Variants in MEF2C observed in about 807,000 individuals in gnomAD.
MEF2C encodes myocyte enhancer factor 2C.
MEF2C carries 6 observed loss-of-function variants against 50.5 expected under a neutral mutation model. The ratio of observed to expected loss-of-function variants is 0.12; its 90% confidence interval spans 0.07 to 0.23. MEF2C has a LOEUF of 0.23. Ranked by LOEUF, MEF2C falls within the 10% of genes least tolerant of loss-of-function variation. The pLI is 1.00. For missense variants in MEF2C, 276 were observed against 605.0 expected, an observed-to-expected ratio of 0.46 and a Z score of 5.70; for synonymous variants, 183 against 228.0, an observed-to-expected ratio of 0.80 and a Z score of 1.78.
chr5:88,799,026 G>C (rs190558547), intron 3 of MEF2C, among the ~76,000 whole-genome samples: 1 of 152,308 alleles, frequency 6.6e-6, no homozygotes, highest in Admixed American at 6.5e-5. Context: ...CTTCGTCCCA[G>C]AGTGGCACCC....
chr5:88,881,462 T>C (rs1274764736), intron 1 of MEF2C, among the ~76,000 whole-genome samples: 3 of 152,196 alleles, frequency 2.0e-5, no homozygotes, highest in South Asian at 2.1e-4. Context: ...TTATACCATA[T>C]TGGTACATGC....
intron 5 of MEF2C, 156 bp from the exon 6 acceptor site, chr5:88,749,273 C>A: frequency 8.2e-7 from 1 of 1,226,364 alleles, no homozygotes. Context: ...TTTTATTGTG[C>A]CATGCTGTGC....
chr5:88,741,107 C>A, intron 6 of MEF2C: 1 of 985,384 alleles, frequency 1.0e-6, no homozygotes, highest in African/African-American at 1.7e-5. Context: ...TTAATACATC[C>A]GCTTTACTTC....
intron 1 of MEF2C, chr5:88,827,313 T>C (rs1241312178): frequency 6.6e-6 from 1 of 152,076 alleles, no homozygotes; most frequent in Non-Finnish European, 1.5e-5. Context: ...CAGAAGAATT[T>C]TGACAGAATG....
chr5:88,835,194 T>C (rs1232331910), intron 1 of MEF2C, among the ~76,000 whole-genome samples: 1 of 152,118 alleles, frequency 6.6e-6, no homozygotes, highest in East Asian at 1.9e-4. Flanking sequence ...AAGTGTAAAA[T>C]ATAGAATTAT....
chr5:88,881,653 T>C (rs1443590038), intron 1 of MEF2C, among the ~76,000 whole-genome samples: 3 of 151,928 alleles, frequency 2.0e-5, no homozygotes, highest in Admixed American at 1.3e-4. Context: ...TTGGAGTTAT[T>C]ATACTCCACA....
intron 1 of MEF2C, among the ~76,000 whole-genome samples, chr5:88,896,160 C>G (rs1835094077): frequency 6.6e-6 from 1 of 152,172 alleles, no homozygotes; most frequent in Non-Finnish European, 1.5e-5. Flanking sequence ...AAGATGAACT[C>G]TCTATCAGCA....
intron 3 of MEF2C, chr5:88,766,551 C>T: frequency 1.3e-6 from 1 of 783,832 alleles, no homozygotes; most frequent in Non-Finnish European, 1.5e-6. Context: ...ACCACCATCA[C>T]AGACTAAAAG....
chr5:88,871,612 A>G (rs1305583325), intron 1 of MEF2C, among the ~76,000 whole-genome samples: 1 of 152,090 alleles, frequency 6.6e-6, no homozygotes, highest in Non-Finnish European at 1.5e-5. Context: ...ATGTCTCATC[A>G]ATATTACCTG....
intron 3 of MEF2C, among the ~76,000 whole-genome samples, chr5:88,783,277 A>G: frequency 6.6e-6 from 1 of 152,216 alleles, no homozygotes; most frequent in East Asian, 1.9e-4. Context: ...TTTAATTCTC[A>G]TAACAGCTAA....
intron 1 of MEF2C, among the ~76,000 whole-genome samples, chr5:88,857,470 C>T (rs1823861660): frequency 6.6e-6 from 1 of 152,192 alleles, no homozygotes; most frequent in East Asian, 1.9e-4. Flanking sequence ...GGCATAATTG[C>T]ATTTTGAAAT....
chr5:88,779,675 G>A lies in MEF2C; in HGVS notation c.259-18347C>T, dbSNP rs373251190. 9.9e-5 allele frequency among the ~76,000 whole-genome samples: 15 copies of A among 150,900 alleles called. No homozygotes were observed. In the South Asian group the frequency reaches 1.3e-3, roughly 13 times the overall value. Reference sequence around the variant, plus strand: ...GAAAGAATCTTCAGAATTATTTCTCGTTAGATGTACTTTTGGGTAGATTTT... The same window carrying A: ...GAAAGAATCTTCAGAATTATTTCTCATTAGATGTACTTTTGGGTAGATTTT... On this transcript the variant is annotated intron_variant, in intron 3 of 10. Coordinates refer to ENST00000504921, the MANE Select transcript of MEF2C (RefSeq NM_002397.5).
At chr5:88,813,721 A>T (rs1224872333) in intron 2 of MEF2C, among the ~76,000 whole-genome samples, 1 of 152,110 alleles carries the variant, frequency 6.6e-6, no homozygotes, top group Non-Finnish European at 1.5e-5. Flanking sequence ...GCCTAATCTT[A>T]ATTGAACCTT....
At chr5:88,795,821 C>T (rs1278860993) in intron 3 of MEF2C, among the ~76,000 whole-genome samples, 1 of 152,144 alleles carries the variant, frequency 6.6e-6, no homozygotes, top group Non-Finnish European at 1.5e-5. Flanking sequence ...TCCATCAATA[C>T]CTAGTTTATT....
intron 6 of MEF2C, chr5:88,748,149 A>C: frequency 1.0e-6 from 1 of 982,778 alleles, no homozygotes; most frequent in Non-Finnish European, 1.2e-6. Flanking sequence ...ATAAAAATGT[A>C]TTTGTAAACC....
intron 1 of MEF2C, among the ~76,000 whole-genome samples, chr5:88,852,207 C>T (rs1821614714): frequency 6.6e-6 from 1 of 152,138 alleles, no homozygotes; most frequent in African/African-American, 2.4e-5. Context: ...TTAAAAAACA[C>T]ATCCTTTAAC....
intron 7 of MEF2C, among the ~76,000 whole-genome samples, chr5:88,731,162 T>C (rs1482085751): frequency 6.6e-6 from 1 of 152,178 alleles, no homozygotes; most frequent in African/African-American, 2.4e-5. Context: ...TAATTTGCTT[T>C]TGAGAGATAG....
At chr5:88,879,391 T>C (rs879448414) in intron 1 of MEF2C, among the ~76,000 whole-genome samples, 8 of 150,366 alleles carry the variant, frequency 5.3e-5, no homozygotes, top group Non-Finnish European at 1.0e-4. Flanking sequence ...ATTATATATA[T>C]ATATAAAATT....
At chr5:88,729,713 G>GT (rs898986108) in intron 8 of MEF2C, among the ~76,000 whole-genome samples, 2 of 152,114 alleles carry the variant, frequency 1.3e-5, no homozygotes, top group Admixed American at 6.6e-5. Flanking sequence ...AACCATGGTA[G>GT]TTTTTATGTT....
Sources: gnomAD v4.1 joint callset for allele counts (sites outside exome capture counted in the v4.1 genomes callset) on GRCh38, gnomAD v4.1.1 for gene constraint, MANE v1.5 for transcripts, NCBI Gene and HGNC (gene_info 2026-07-23, HGNC 2026-07-21) for gene names.